The following CEP126 variants were observed in gnomAD, a reference collection of about 807,000 sequenced individuals.
CEP126 encodes the protein centrosomal protein 126.
In CEP126, 74 loss-of-function variants were observed where a neutral mutation model predicts 107.8. The ratio of observed to expected loss-of-function variants is 0.69; its 90% CI spans 0.57 to 0.83. CEP126 has a LOEUF of 0.83. CEP126 is among the 40% of genes least tolerant of loss of function. CEP126 has a pLI of 0.00. For missense variants in CEP126, 1,237 were observed against 1,281.9 expected, an observed-to-expected ratio of 0.96 and a Z score of 0.53; for synonymous variants, 449 against 446.0, an observed-to-expected ratio of 1.01 and a Z score of -0.08.
chr11:101,997,222 G>A (rs181931026), intron 10 of CEP126, among the ~76,000 whole-genome samples: 3 of 152,258 alleles, frequency 2.0e-5, no homozygotes, highest in Admixed American at 2.0e-4. Context: ...ATTTTCAGTA[G>A]AGACAGGGTT....
At chr11:101,994,427 T>G (rs1026779083) in intron 10 of CEP126, among the ~76,000 whole-genome samples, 2 of 152,236 alleles carry the variant, frequency 1.3e-5, no homozygotes, top group Non-Finnish European at 2.9e-5. Flanking sequence ...GATGTCTTCA[T>G]CATGAAATCT....
chr11:101,946,225 G>A (rs1035373928), intron 3 of CEP126, among the ~76,000 whole-genome samples: 1 of 152,064 alleles, frequency 6.6e-6, no homozygotes, highest in Non-Finnish European at 1.5e-5. Context: ...TATAATCACG[G>A]CCAGCCGAGG....
At chr11:101,940,235 C>T (rs1199772263) in intron 2 of CEP126, among the ~76,000 whole-genome samples, 1 of 152,134 alleles carries the variant, frequency 6.6e-6, no homozygotes, top group Non-Finnish European at 1.5e-5. Context: ...TACTCTGAAA[C>T]TGAATAATGC....
chr11:101,965,429 A>C (rs1481805320), intron 6 of CEP126, among the ~76,000 whole-genome samples: 22 of 152,228 alleles, frequency 1.4e-4, no homozygotes, highest in Admixed American at 1.4e-3. Flanking sequence ...GTAATCACCC[A>C]GACTCTACTT....
chr11:101,917,240 T>C (rs1940236530), intron 1 of CEP126, among the ~76,000 whole-genome samples: 1 of 152,134 alleles, frequency 6.6e-6, no homozygotes, highest in Non-Finnish European at 1.5e-5. Context: ...AAAGTACCTT[T>C]TATATAAGTT....
chr11:101,941,120 C>G, intron 2 of CEP126, among the ~76,000 whole-genome samples: 1 of 152,252 alleles, frequency 6.6e-6, no homozygotes, highest in East Asian at 1.9e-4. Flanking sequence ...GTGCCTCCTT[C>G]CTCCCAACAG....
intron 7 of CEP126, among the ~76,000 whole-genome samples, chr11:101,980,174 T>C (rs1941239762): frequency 6.6e-6 from 1 of 152,210 alleles, no homozygotes; most frequent in Non-Finnish European, 1.5e-5. Context: ...TATTGCTTAA[T>C]AGCGTAATGG....
rs1158739253 is a variant in CEP126 at position 101,962,581 on chromosome 11, C to T, written c.1546C>T (p.Pro516Ser). 6.2e-7 allele frequency: 1 copy of T among 1,613,468 alleles called. No homozygotes were observed. Residue 516 changes from proline to serine, a missense_variant, in exon 6 of 11, where the codon CCT (proline) becomes TCT (serine). Around this residue, in one of 3 missense-constraint regions of CEP126, gnomAD observed 1,134 missense variants for 1,150.5 expected, o/e 0.99. Transcript: ENST00000263468. ...TTTTAATTGCAATAAGGAAGAGTTG[C>T]CTTTATTTTCAGACAGTTTTCAAGA... ...KYFNCNKEEL[P>S]LFSDSFQDAY...
At chr11:101,938,131 G>A (rs1414627075) in intron 2 of CEP126, among the ~76,000 whole-genome samples, 3 of 105,128 alleles carry the variant, frequency 2.9e-5, no homozygotes, top group Admixed American at 9.8e-5. Flanking sequence ...CCGCAGTCCG[G>A]CCTGGGCGAC....
At chr11:101,920,709 G>C (rs899053483) in intron 1 of CEP126, among the ~76,000 whole-genome samples, 2 of 151,510 alleles carry the variant, frequency 1.3e-5, no homozygotes, top group African/African-American at 4.9e-5. Flanking sequence ...AAGCTCAAGC[G>C]ATCTTCCCAC....
Position 101,915,114 on chromosome 11 carries a change from C to A in CEP126, c.-171C>A. ...CCTCAGCTGCCATCGCCGCTACAGG[C>A]ACCAGTGCCGCTGCGCGGGAGCTAG... is the stretch of plus-strand genomic sequence containing the variant. On this transcript the variant is annotated 5_prime_UTR_variant, in exon 1 of 11. Coordinates refer to ENST00000263468, the MANE Select transcript of CEP126 (RefSeq NM_020802.4). 2 of 992,662 alleles carry A rather than the reference C, an allele frequency of 2.0e-6. No homozygotes were observed. The highest frequency in any genetic ancestry group is 1.4e-6 in the Non-Finnish European group (1 of 696,862). The allele number at this position is 992,662 out of a possible 1,614,324, so 61.5% of individuals were successfully genotyped here. A position where few individuals can be genotyped will look rare whatever the true frequency, so the allele number is the denominator to read the frequency against.
At chr11:101,973,994 T>G (rs1941163115) in intron 6 of CEP126, among the ~76,000 whole-genome samples, 1 of 152,204 alleles carries the variant, frequency 6.6e-6, no homozygotes, top group Admixed American at 6.5e-5. Context: ...AATTTGTGAT[T>G]GGTATTTTTA....
intron 5 of CEP126, among the ~76,000 whole-genome samples, chr11:101,960,794 A>C (rs1157523788): frequency 6.6e-6 from 1 of 152,078 alleles, no homozygotes; most frequent in Admixed American, 6.5e-5. Flanking sequence ...TAAATCTAAA[A>C]TGTATGATAA....
intron 4 of CEP126, among the ~76,000 whole-genome samples, chr11:101,949,797 C>T (rs1940785829): frequency 6.6e-6 from 1 of 152,074 alleles, no homozygotes; most frequent in Non-Finnish European, 1.5e-5. Flanking sequence ...TGGTAAAGCA[C>T]CCCCAGAACT....
intron 9 of CEP126, among the ~76,000 whole-genome samples, chr11:101,988,698 G>A (rs1941341216): frequency 6.6e-6 from 1 of 151,958 alleles, no homozygotes. Context: ...ACATGAAAAT[G>A]TCTCTCAAGA....
chr11:101,997,228 G>T, intron 10 of CEP126, among the ~76,000 whole-genome samples: 1 of 152,156 alleles, frequency 6.6e-6, no homozygotes, highest in African/African-American at 2.4e-5. Context: ...AGTAGAGACA[G>T]GGTTTTACCA....
At chr11:101,965,694 G>C (rs990060721) in intron 6 of CEP126, among the ~76,000 whole-genome samples, 1 of 152,122 alleles carries the variant, frequency 6.6e-6, no homozygotes, top group Admixed American at 6.6e-5. Context: ...TTTGTAGCTT[G>C]TACCAGTCAC....
chr11:101,965,431 A>G (rs1941047006), intron 6 of CEP126, among the ~76,000 whole-genome samples: 1 of 152,104 alleles, frequency 6.6e-6, no homozygotes, highest in Non-Finnish European at 1.5e-5. Flanking sequence ...AATCACCCAG[A>G]CTCTACTTGA....
rs184724759 is a variant in CEP126, at chr11:101,952,709, A to C, written c.506+4567A>C. ...GGAGGAAGTAATTGGAAGGAGAATG[A>C]CATGTTTGAGTTTGAGACACTTATG... is the stretch of plus-strand genomic sequence containing the variant. On this transcript the variant is annotated intron_variant, in intron 4 of 10. Coordinates refer to ENST00000263468, the MANE Select transcript of CEP126 (RefSeq NM_020802.4). Among the ~76,000 whole-genome samples the C allele has an allele frequency of 1.6e-3, 248 of 152,302 alleles. 4 individuals carry two copies. Among genetic ancestry groups the C allele is most frequent in the South Asian group, 0.015 (71 of 4,816 alleles).
Sources: allele counts gnomAD v4.1 joint callset (sites outside exome capture counted in the v4.1 genomes callset), GRCh38; gene constraint gnomAD v4.1.1; regional missense constraint gnomAD v4.1.1; transcripts MANE v1.5; gene names NCBI Gene and HGNC (gene_info 2026-07-23, HGNC 2026-07-21).